NRG1: variants seen among roughly 807,000 people sequenced by gnomAD.
The protein encoded by NRG1 is pro-neuregulin-1, membrane-bound isoform.
In NRG1, 18 loss-of-function variants were observed where a neutral mutation model predicts 63.8. The observed-to-expected ratio is 0.28, with a 90% CI of 0.19 to 0.42. The LOEUF is 0.42. Ranked by LOEUF, NRG1 falls within the 10% of genes least tolerant of loss-of-function variation. The probability of loss-of-function intolerance (pLI) is 1.00; values close to 1 mark genes in which losing one functional copy is unlikely to be tolerated. For missense variants in NRG1, 762 were observed against 814.7 expected, an observed-to-expected ratio of 0.94 and a Z score of 0.79; for synonymous variants, 302 against 301.3, an observed-to-expected ratio of 1.00 and a Z score of -0.02.
intron 1 of NRG1, among the ~76,000 whole-genome samples, chr8:32,193,491 C>T (rs772104034): frequency 3.9e-5 from 6 of 152,118 alleles, no homozygotes; most frequent in Admixed American, 2.0e-4. Context: ...AAATAATCCC[C>T]AAGTCATTTA....
chr8:31,983,247 T>C (rs1809475805), intron 1 of NRG1, among the ~76,000 whole-genome samples: 1 of 152,094 alleles, frequency 6.6e-6, no homozygotes, highest in Non-Finnish European at 1.5e-5. Context: ...ATGTGAATCT[T>C]TTATCTATCT....
intron 1 of NRG1, among the ~76,000 whole-genome samples, chr8:31,679,128 G>T (rs1808053143): frequency 6.6e-6 from 1 of 151,886 alleles, no homozygotes; most frequent in Admixed American, 6.6e-5. Flanking sequence ...GAAGGCTCTT[G>T]TTCCAGATAT....
intron 1 of NRG1, among the ~76,000 whole-genome samples, chr8:32,373,655 G>A (rs370693027): frequency 2.0e-5 from 3 of 152,252 alleles, no homozygotes; most frequent in African/African-American, 7.2e-5. Context: ...GCAGGCACCT[G>A]TAATCCCAGC....
At chr8:32,179,187 TAAAAA>T (rs35411561) in intron 1 of NRG1, among the ~76,000 whole-genome samples, 6 of 66,518 alleles carry the variant, frequency 9.0e-5, no homozygotes, top group South Asian at 1.5e-3. Flanking sequence ...CTCACAGTCA[TAAAAA>T]AAAAAAAAAA....
intron 1 of NRG1, among the ~76,000 whole-genome samples, chr8:32,572,348 T>C (rs527759035): frequency 2.6e-5 from 4 of 152,336 alleles, no homozygotes; most frequent in South Asian, 4.1e-4. Context: ...TTGCACAGAA[T>C]GTTATCAATA....
intron 1 of NRG1, among the ~76,000 whole-genome samples, chr8:32,320,213 T>C (rs1269195325): frequency 6.6e-6 from 1 of 152,186 alleles, no homozygotes; most frequent in Non-Finnish European, 1.5e-5. Flanking sequence ...GGTGACCATA[T>C]TGTAGGTACT....
At chr8:31,774,656 A>G (rs1200395524) in intron 1 of NRG1, among the ~76,000 whole-genome samples, 8 of 152,178 alleles carry the variant, frequency 5.3e-5, no homozygotes, top group Admixed American at 4.6e-4. Context: ...TCCTCACTCT[A>G]TTGATTATTT....
intron 1 of NRG1, among the ~76,000 whole-genome samples, chr8:31,989,981 C>A (rs1810783742): frequency 6.6e-6 from 1 of 152,098 alleles, no homozygotes; most frequent in Non-Finnish European, 1.5e-5. Flanking sequence ...GAGAGCATTG[C>A]AAATATAGTC....
At chr8:32,257,109 C>T (rs1475606288) in intron 1 of NRG1, among the ~76,000 whole-genome samples, 1 of 152,142 alleles carries the variant, frequency 6.6e-6, no homozygotes, top group African/African-American at 2.4e-5. Flanking sequence ...CTACTGAAGC[C>T]TCAGTAATGG....
At chr8:32,293,074 A>G (rs1409618545) in intron 1 of NRG1, among the ~76,000 whole-genome samples, 1 of 152,190 alleles carries the variant, frequency 6.6e-6, no homozygotes. Flanking sequence ...ACTGCACTCC[A>G]GCCTGGGCAA....
At chr8:32,549,986 A>G (rs919139506) in intron 1 of NRG1, among the ~76,000 whole-genome samples, 1 of 152,226 alleles carries the variant, frequency 6.6e-6, no homozygotes, top group African/African-American at 2.4e-5. Context: ...TACTGTGGCT[A>G]CAGTAATACT....
At chr8:32,589,824 GGTT>G (rs1842210859) in intron 1 of NRG1, among the ~76,000 whole-genome samples, 1 of 152,126 alleles carries the variant, frequency 6.6e-6, no homozygotes, top group Non-Finnish European at 1.5e-5. Flanking sequence ...AGATGAATGA[GGTT>G]GTTTTTTTGG....
At chr8:31,657,617 A>G (rs921448508) in intron 1 of NRG1, among the ~76,000 whole-genome samples, 5 of 152,198 alleles carry the variant, frequency 3.3e-5, no homozygotes, top group Non-Finnish European at 7.4e-5. Flanking sequence ...GTTTTTTTCA[A>G]CTAATAAAGT....
At chr8:32,650,038 A>G (rs1854655027) in intron 5 of NRG1, among the ~76,000 whole-genome samples, 1 of 152,206 alleles carries the variant, frequency 6.6e-6, no homozygotes, top group Non-Finnish European at 1.5e-5. Flanking sequence ...CCTTTGAAAA[A>G]CACTTCAACT....
At chr8:31,756,757 C>T (rs952179059) in intron 1 of NRG1, among the ~76,000 whole-genome samples, 3 of 152,168 alleles carry the variant, frequency 2.0e-5, no homozygotes, top group African/African-American at 7.2e-5. Flanking sequence ...ACCTGTTTGA[C>T]TGGTGCCCAT....
chr8:32,038,470 GA>G (rs1262816975), intron 1 of NRG1, among the ~76,000 whole-genome samples: 1 of 152,100 alleles, frequency 6.6e-6, no homozygotes, highest in African/African-American at 2.4e-5. Flanking sequence ...GACACTGCAA[GA>G]AACAGAACCG....
At chr8:32,736,634 G>A (rs1027221200) in intron 6 of NRG1, among the ~76,000 whole-genome samples, 5 of 152,026 alleles carry the variant, frequency 3.3e-5, no homozygotes, top group African/African-American at 9.7e-5. Flanking sequence ...TTCATTTTTC[G>A]ACAAGGTATT....
At chr8:31,787,090 G>A (rs1586408752) in intron 1 of NRG1, among the ~76,000 whole-genome samples, 1 of 152,142 alleles carries the variant, frequency 6.6e-6, no homozygotes, top group African/African-American at 2.4e-5. Flanking sequence ...TACATAGTTT[G>A]GAGGCTCCAC....
chr8:32,076,640 A>G (rs750924721), intron 1 of NRG1, among the ~76,000 whole-genome samples: 1 of 152,006 alleles, frequency 6.6e-6, no homozygotes, highest in Non-Finnish European at 1.5e-5. Flanking sequence ...TACCTGGGTG[A>G]TAAGATAGTC....
Sources: allele counts gnomAD v4.1 joint callset (sites outside exome capture counted in the v4.1 genomes callset), GRCh38; gene constraint gnomAD v4.1.1; transcripts MANE v1.5; gene names NCBI Gene and HGNC (gene_info 2026-07-23, HGNC 2026-07-21).